C12orf50: variants seen among roughly 807,000 people sequenced by gnomAD.
C12orf50 encodes uncharacterized protein C12orf50.
In C12orf50, 35 loss-of-function variants were observed where a neutral mutation model predicts 61.6. The observed-to-expected ratio is 0.57, with a 90% CI of 0.43 to 0.75. The LOEUF is 0.75. Ranked by LOEUF, C12orf50 falls within the 30% of genes least tolerant of loss-of-function variation. The pLI is 0.00. For synonymous variants in C12orf50, 178 were observed against 161.5 expected (o/e 1.10, Z -0.77); for missense variants, 475 against 488.5 (o/e 0.97, Z 0.26).
intron 4 of C12orf50, among the ~76,000 whole-genome samples, chr12:87,997,512 A>G (rs78084665): frequency 6.6e-6 from 1 of 152,072 alleles, no homozygotes; most frequent in Non-Finnish European, 1.5e-5. Flanking sequence ...TGCTGCACCC[A>G]TCAACCCGTC....
chr12:87,989,436 C>G (rs1361581107), intron 7 of C12orf50, 65 bp from the exon 8 acceptor site: 4 of 1,167,192 alleles, frequency 3.4e-6, no homozygotes, highest in Middle Eastern at 1.9e-4. Context: ...GCTTTCAATA[C>G]AGGAACATTT....
At chr12:87,985,041 A>G (rs941799401) in intron 11 of C12orf50, 12 of 152,092 alleles carry the variant, frequency 7.9e-5, no homozygotes, top group African/African-American at 2.9e-4. Context: ...TTGTAAAAGA[A>G]ATATATATAC....
At chr12:87,982,982 G>A (rs777101558) in intron 12 of C12orf50, 121 bp downstream of exon 12, 1 of 479,818 alleles carries the variant, frequency 2.1e-6, no homozygotes, top group Non-Finnish European at 3.7e-6. Flanking sequence ...AAGTAATTAA[G>A]TGTGCATGTA....
chr12:88,015,703 T>C (rs1262601583), intron 3 of C12orf50, among the ~76,000 whole-genome samples: 1 of 152,214 alleles, frequency 6.6e-6, no homozygotes, highest in East Asian at 1.9e-4. Flanking sequence ...AGGGAATTTT[T>C]ATGGTAAATA....
At chr12:88,026,240 T>C (rs1341349552) in intron 3 of C12orf50, among the ~76,000 whole-genome samples, 1 of 152,244 alleles carries the variant, frequency 6.6e-6, no homozygotes, top group Admixed American at 6.5e-5. Context: ...ACTTTTCATA[T>C]GAATAAAATC....
chr12:88,012,387 C>A (rs146237760), intron 3 of C12orf50, among the ~76,000 whole-genome samples: 1 of 152,096 alleles, frequency 6.6e-6, no homozygotes, highest in Non-Finnish European at 1.5e-5. Flanking sequence ...GTTAAAAGAG[C>A]CTTTTGTATA....
intron 3 of C12orf50, among the ~76,000 whole-genome samples, chr12:87,999,397 C>T (rs540865072): frequency 6.6e-6 from 1 of 152,250 alleles, no homozygotes; most frequent in East Asian, 1.9e-4. Flanking sequence ...TGCACTCTAG[C>T]CTCAGCAACA....
chr12:88,014,332 C>T (rs200574509), intron 3 of C12orf50, among the ~76,000 whole-genome samples: 34 of 152,126 alleles, frequency 2.2e-4, no homozygotes, highest in African/African-American at 6.7e-4. Flanking sequence ...GACAGAGTCT[C>T]GCTCTGTTGC....
chr12:88,015,982 A>T (rs1361803570), intron 3 of C12orf50, among the ~76,000 whole-genome samples: 2 of 152,216 alleles, frequency 1.3e-5, no homozygotes, highest in African/African-American at 4.8e-5. Flanking sequence ...TAAAGATAAC[A>T]ACATACAATG....
chr12:88,014,488 G>A (rs2032236784), intron 3 of C12orf50, among the ~76,000 whole-genome samples: 3 of 152,216 alleles, frequency 2.0e-5, no homozygotes, highest in Admixed American at 2.0e-4. Context: ...TTTTAGTAGA[G>A]ACGGGTTTCA....
chr12:87,986,135 T>A, intron 10 of C12orf50, 82 bp from the exon 11 acceptor site: 1 of 1,466,276 alleles, frequency 6.8e-7, no homozygotes, highest in Non-Finnish European at 9.5e-7. Flanking sequence ...TGCAAATACT[T>A]CATAGCATAA....
At chr12:87,992,007 C>T (rs966636195) in intron 7 of C12orf50, among the ~76,000 whole-genome samples, 1 of 152,152 alleles carries the variant, frequency 6.6e-6, no homozygotes, top group African/African-American at 2.4e-5. Flanking sequence ...TCAGCATTCT[C>T]ATTTCAGTTC....
At chr12:88,009,310 A>G (rs2032010276) in intron 3 of C12orf50, among the ~76,000 whole-genome samples, 1 of 152,106 alleles carries the variant, frequency 6.6e-6, no homozygotes, top group South Asian at 2.1e-4. Context: ...TTCACCAAGA[A>G]TTGATAGAAT....
intron 4 of C12orf50, among the ~76,000 whole-genome samples, chr12:87,997,672 C>T (rs1158014460): frequency 6.6e-6 from 1 of 152,066 alleles, no homozygotes; most frequent in Non-Finnish European, 1.5e-5. Flanking sequence ...GTTTGGTTTT[C>T]CATTCTTGTG....
chr12:87,982,537 C>T (rs1199181927), intron 12 of C12orf50, among the ~76,000 whole-genome samples: 1 of 152,048 alleles, frequency 6.6e-6, no homozygotes, highest in Non-Finnish European at 1.5e-5. Flanking sequence ...GGAAAAGACA[C>T]CAAGCTGTTT....
At chr12:87,993,928 G>A (rs150337320) in intron 7 of C12orf50, among the ~76,000 whole-genome samples, 6 of 152,198 alleles carry the variant, frequency 3.9e-5, no homozygotes, top group Non-Finnish European at 8.8e-5. Flanking sequence ...CACTGGGCTC[G>A]GTGGCTCGTG....
At chr12:88,018,641 G>C (rs1245808545) in intron 3 of C12orf50, among the ~76,000 whole-genome samples, 2 of 152,230 alleles carry the variant, frequency 1.3e-5, no homozygotes, top group African/African-American at 2.4e-5. Context: ...ACACCAGCCA[G>C]TGAAAGCAGC....
At chr12:88,011,976 T>C (rs1403642033) in intron 3 of C12orf50, among the ~76,000 whole-genome samples, 3 of 152,234 alleles carry the variant, frequency 2.0e-5, no homozygotes, top group African/African-American at 7.2e-5. Context: ...AATACTGACG[T>C]CACATTTATA....
intron 3 of C12orf50, among the ~76,000 whole-genome samples, chr12:88,020,579 C>A (rs1209359822): frequency 6.6e-6 from 1 of 152,108 alleles, no homozygotes; most frequent in Non-Finnish European, 1.5e-5. Flanking sequence ...GATTCCCATA[C>A]CATAATAGTG....
Sources: allele counts gnomAD v4.1 joint callset (sites outside exome capture counted in the v4.1 genomes callset), GRCh38; gene constraint gnomAD v4.1.1; transcripts MANE v1.5; gene names NCBI Gene and HGNC (gene_info 2026-07-23, HGNC 2026-07-21).